Variants in GREB1 observed in about 807,000 individuals in gnomAD.
The protein encoded by GREB1 is protein GREB1.
A neutral mutation model predicts 200.7 loss-of-function variants in GREB1; 106 were observed. That is an observed-to-expected ratio of 0.53 (90% confidence interval 0.45 to 0.62). The LOEUF (loss-of-function observed/expected upper bound fraction) is 0.62. Ranked by LOEUF, GREB1 falls within the 20% of genes least tolerant of loss-of-function variation. The probability of loss-of-function intolerance (pLI) is 0.00; values close to 1 mark genes in which losing one functional copy is unlikely to be tolerated. For synonymous variants in GREB1, 1,132 were observed against 1,092.4 expected (o/e 1.04, Z -0.72); for missense variants, 2,243 against 2,556.8 (o/e 0.88, Z 2.65).
intron 1 of GREB1, among the ~76,000 whole-genome samples, chr2:11,519,321 A>G (rs1441685621): frequency 6.6e-6 from 1 of 152,078 alleles, no homozygotes; most frequent in Non-Finnish European, 1.5e-5. Flanking sequence ...CATTTTGAAC[A>G]TAGGAAATGA....
intron 1 of GREB1, among the ~76,000 whole-genome samples, chr2:11,495,542 T>G (rs534186981): frequency 5.9e-5 from 9 of 152,246 alleles, no homozygotes; most frequent in African/African-American, 2.2e-4. Context: ...GTTGGGGTCA[T>G]GCACTGTTCC....
chr2:11,572,136 T>C (rs566227615), intron 4 of GREB1, among the ~76,000 whole-genome samples: 82 of 152,380 alleles, frequency 5.4e-4, no homozygotes, highest in African/African-American at 1.9e-3. Flanking sequence ...GGAGGGTTGA[T>C]GACTAGGGCC....
chr2:11,621,108 T>C, intron 23 of GREB1, 101 bp downstream of exon 23: 1 of 775,018 alleles, frequency 1.3e-6, no homozygotes, highest in Non-Finnish European at 2.3e-6. Context: ...AATTCTCAGA[T>C]TCATGATCAG....
intron 1 of GREB1, among the ~76,000 whole-genome samples, chr2:11,525,883 G>A (rs1386989339): frequency 6.6e-6 from 1 of 152,140 alleles, no homozygotes; most frequent in African/African-American, 2.4e-5. Flanking sequence ...ATGCTCTGCC[G>A]TGCCCTGATG....
chr2:11,605,225 C>CTTT (rs1171453389), intron 17 of GREB1, among the ~76,000 whole-genome samples: 22 of 112,410 alleles, frequency 2.0e-4, no homozygotes, highest in Admixed American at 5.2e-4. Context: ...GACCGTATAT[C>CTTT]TTTTTTTTTC....
Position 11,508,064 on chromosome 2 carries a change from C to A in GREB1, c.-159+25683C>A, listed in dbSNP as rs1458605387. On this transcript the variant is annotated intron_variant, in intron 1 of 2. Transcript: ENST00000628795. Reference sequence around the variant, plus strand: ...GTTTTCAGAGACTTCTAGACAGCTTCTAGTCCATTTCGCCTATGGTAGAGG... The same window carrying A: ...GTTTTCAGAGACTTCTAGACAGCTTATAGTCCATTTCGCCTATGGTAGAGG... Among the ~76,000 whole-genome samples the A allele has an allele frequency of 2.6e-5, 4 of 152,194 alleles. No homozygotes were observed. In the East Asian group the frequency reaches 7.7e-4, roughly 29 times the overall value.
intron 1 of GREB1, among the ~76,000 whole-genome samples, chr2:11,526,226 C>T (rs1181850593): frequency 6.6e-6 from 1 of 152,112 alleles, no homozygotes; most frequent in African/African-American, 2.4e-5. Context: ...TTACATCATA[C>T]GGCACTTCAT....
At chr2:11,504,793 A>C (rs1368793246) in intron 1 of GREB1, among the ~76,000 whole-genome samples, 1 of 152,232 alleles carries the variant, frequency 6.6e-6, no homozygotes, top group East Asian at 1.9e-4. Flanking sequence ...CATTATGAAT[A>C]ATTCGACATT....
intron 1 of GREB1, among the ~76,000 whole-genome samples, chr2:11,552,766 C>G (rs950775772): frequency 1.3e-5 from 2 of 151,932 alleles, no homozygotes; most frequent in African/African-American, 4.8e-5. Context: ...AATCCCAGCA[C>G]TTTGGGAGGC....
intron 4 of GREB1, among the ~76,000 whole-genome samples, 155 bp downstream of exon 4, chr2:11,566,811 C>T (rs570184887): frequency 6.6e-6 from 1 of 152,152 alleles, no homozygotes; most frequent in African/African-American, 2.4e-5. Context: ...TAGATGAGTT[C>T]TTTGTGGAAT....
intron 1 of GREB1, among the ~76,000 whole-genome samples, chr2:11,508,938 G>A (rs1375875288): frequency 6.7e-6 from 1 of 148,308 alleles, no homozygotes; most frequent in Non-Finnish European, 1.5e-5. Context: ...GCAGTGGCGC[G>A]ATCTCGGCTC....
chr2:11,633,121 TG>T lies in GREB1; in HGVS notation c.4991+59del. On this transcript the variant is annotated intron_variant, in intron 28 of 32. Coordinates refer to ENST00000381486, the MANE Select transcript of GREB1 (RefSeq NM_014668.4). This position sits in a 1 kb window ranked among gnomAD's most constrained non-coding sequence, Gnocchi z 4.1. ...CCCTACGAATGATGACCAACGAGTG[TG>T]CCCTCTTTGTATGGGGAATGTGCCC... 3 of 1,546,860 alleles carry T rather than the reference TG, an allele frequency of 1.9e-6. No individual in the cohort carries two copies.
intron 10 of GREB1, 118 bp from the exon 11 acceptor site, chr2:11,592,658 C>T (rs1680850489): frequency 1.6e-6 from 1 of 628,150 alleles, no homozygotes; most frequent in Admixed American, 4.0e-5. Context: ...GTGCTCCAGC[C>T]ATCTGTGATA....
At chr2:11,588,970 G>A (rs35587928) in intron 10 of GREB1, 39 bp downstream of exon 10, 217,689 of 1,557,728 alleles carry the variant, frequency 0.14, 18,215 homozygotes, top group African/African-American at 0.36. Context: ...GGCAGGGAGT[G>A]GCCACAGCCC....
chr2:11,608,171 C>T (rs1391893242), intron 17 of GREB1, among the ~76,000 whole-genome samples: 1 of 152,200 alleles, frequency 6.6e-6, no homozygotes, highest in Non-Finnish European at 1.5e-5. Flanking sequence ...AAGATCATAG[C>T]TCCCATGAGA....
intron 19 of GREB1, among the ~76,000 whole-genome samples, chr2:11,613,158 G>T (rs1217040045): frequency 2.6e-5 from 4 of 152,172 alleles, no homozygotes; most frequent in Non-Finnish European, 5.9e-5. Context: ...TCACAGCCTG[G>T]AAAGTCTTAG....
intron 25 of GREB1, among the ~76,000 whole-genome samples, chr2:11,628,904 G>C (rs1346727884): frequency 6.6e-6 from 1 of 152,210 alleles, no homozygotes; most frequent in African/African-American, 2.4e-5. Context: ...GAGGGGGCTT[G>C]AAACCAGCTG....
At chr2:11,509,499 C>A (rs1673291165) in intron 1 of GREB1, among the ~76,000 whole-genome samples, 1 of 151,596 alleles carries the variant, frequency 6.6e-6, no homozygotes, top group Non-Finnish European at 1.5e-5. Context: ...TACCACAATA[C>A]CGTTATCACA....
intron 17 of GREB1, among the ~76,000 whole-genome samples, chr2:11,606,876 G>T (rs1349400661): frequency 6.6e-6 from 1 of 151,506 alleles, no homozygotes; most frequent in Non-Finnish European, 1.5e-5. Context: ...TCTGCCTCCC[G>T]GGTTCAAGTG....
Sources: allele counts gnomAD v4.1 joint callset (sites outside exome capture counted in the v4.1 genomes callset), GRCh38; gene constraint gnomAD v4.1.1; non-coding constraint Gnocchi (gnomAD v3.1); transcripts MANE v1.5; gene names NCBI Gene and HGNC (gene_info 2026-07-23, HGNC 2026-07-21).